GSK3B: variants seen among roughly 807,000 people sequenced by gnomAD.
The protein encoded by GSK3B is glycogen synthase kinase-3 beta.
GSK3B carries 15 observed loss-of-function variants against 56.4 expected under a neutral mutation model. The observed-to-expected ratio is 0.27, with a 90% CI of 0.18 to 0.41. The LOEUF (loss-of-function observed/expected upper bound fraction) is 0.41. Ranked by LOEUF, GSK3B falls within the 10% of genes least tolerant of loss-of-function variation. The probability of loss-of-function intolerance (pLI) is 1.00; values close to 1 mark genes in which losing one functional copy is unlikely to be tolerated. For missense variants in GSK3B, 300 were observed against 513.4 expected (o/e 0.58, Z 4.02); for synonymous variants, 181 against 188.9 (o/e 0.96, Z 0.34).
intron 7 of GSK3B, among the ~76,000 whole-genome samples, chr3:119,891,752 G>T (rs1559825210): frequency 6.6e-6 from 1 of 152,052 alleles, no homozygotes; most frequent in East Asian, 1.9e-4. Flanking sequence ...TTCTGTAAGT[G>T]TATTTCATAC....
At chr3:120,018,075 C>G (rs1364347840) in intron 1 of GSK3B, among the ~76,000 whole-genome samples, 2 of 152,170 alleles carry the variant, frequency 1.3e-5, no homozygotes, top group Admixed American at 1.3e-4. Flanking sequence ...CACTCATCAT[C>G]ACAAATAAAT....
chr3:119,854,846 T>C (rs1307433049), intron 9 of GSK3B, among the ~76,000 whole-genome samples: 1 of 152,162 alleles, frequency 6.6e-6, no homozygotes, highest in South Asian at 2.1e-4. Flanking sequence ...GTCTATCAAT[T>C]TTGTTGATCT....
At chr3:120,036,259 T>A (rs894578338) in intron 1 of GSK3B, among the ~76,000 whole-genome samples, 4 of 152,336 alleles carry the variant, frequency 2.6e-5, no homozygotes, top group Admixed American at 2.6e-4. Context: ...AAAACTGGTA[T>A]GAAGTATAAC....
chr3:120,070,586 T>G (rs1008767468), intron 1 of GSK3B, among the ~76,000 whole-genome samples: 1 of 151,850 alleles, frequency 6.6e-6, no homozygotes, highest in African/African-American at 2.4e-5. Flanking sequence ...AAAGATGGTA[T>G]CAAATCTCAC....
chr3:120,043,596 A>AT (rs1469614710), intron 1 of GSK3B, among the ~76,000 whole-genome samples: 1 of 152,208 alleles, frequency 6.6e-6, no homozygotes, highest in African/African-American at 2.4e-5. Context: ...CAATGGGCAG[A>AT]TATCATCTGG....
chr3:119,833,687 G>GTTTTTT (rs1162358136), intron 10 of GSK3B, among the ~76,000 whole-genome samples: 1 of 133,448 alleles, frequency 7.5e-6, no homozygotes, highest in African/African-American at 2.9e-5. Context: ...GAAACATTAG[G>GTTTTTT]TTGTTTTTTT....
At chr3:120,006,478 AT>A (rs1186654324) in intron 1 of GSK3B, among the ~76,000 whole-genome samples, 1 of 152,188 alleles carries the variant, frequency 6.6e-6, no homozygotes, top group Non-Finnish European at 1.5e-5. Context: ...TCAGCACCAC[AT>A]CCCACTTATT....
chr3:120,004,725 T>A (rs957457345), intron 1 of GSK3B, among the ~76,000 whole-genome samples: 13 of 152,054 alleles, frequency 8.5e-5, no homozygotes, highest in Admixed American at 7.2e-4. Flanking sequence ...AGGAACAGCA[T>A]CAACATCAAC....
At chr3:119,859,071 G>C (rs2056063289) in intron 9 of GSK3B, among the ~76,000 whole-genome samples, 1 of 151,694 alleles carries the variant, frequency 6.6e-6, no homozygotes, top group African/African-American at 2.4e-5. Flanking sequence ...ATGTGGCACA[G>C]AGACACAAAA....
intron 7 of GSK3B, among the ~76,000 whole-genome samples, chr3:119,885,238 A>G (rs964474894): frequency 6.8e-6 from 1 of 146,756 alleles, no homozygotes; most frequent in Non-Finnish European, 1.5e-5. Flanking sequence ...AATCCTATTT[A>G]CAATAGCCAC....
chr3:120,088,522 G>A (rs2107585139), intron 1 of GSK3B, among the ~76,000 whole-genome samples: 1 of 152,214 alleles, frequency 6.6e-6, no homozygotes, highest in South Asian at 2.1e-4. Context: ...TATAACTCAA[G>A]ATAAAATGCC....
chr3:119,861,915 GA>G (rs1246462335), intron 9 of GSK3B, among the ~76,000 whole-genome samples: 2 of 151,958 alleles, frequency 1.3e-5, no homozygotes, highest in Non-Finnish European at 2.9e-5. Context: ...GATACTCACA[GA>G]ATCACATAAG....
chr3:119,930,280 A>G (rs2056933358), intron 3 of GSK3B, among the ~76,000 whole-genome samples: 1 of 152,208 alleles, frequency 6.6e-6, no homozygotes, highest in Admixed American at 6.5e-5. Flanking sequence ...CATTTATTAC[A>G]GGTTGCAAAT....
At chr3:120,008,073 A>G (rs1435840637) in intron 1 of GSK3B, among the ~76,000 whole-genome samples, 1 of 152,244 alleles carries the variant, frequency 6.6e-6, no homozygotes, top group Non-Finnish European at 1.5e-5. Context: ...AATCACAAGC[A>G]TTCTTATACA....
At chr3:119,973,912 A>C (rs1481673661) in intron 2 of GSK3B, among the ~76,000 whole-genome samples, 1 of 152,220 alleles carries the variant, frequency 6.6e-6, no homozygotes, top group African/African-American at 2.4e-5. Context: ...AGACACAATT[A>C]AAGAAATGAA....
At chr3:119,916,311 C>A (rs2056780294) in intron 4 of GSK3B, 137 bp from the exon 5 acceptor site, 1 of 656,666 alleles carries the variant, frequency 1.5e-6, no homozygotes, top group Admixed American at 2.9e-5. Context: ...ATCTTCCTTT[C>A]ACAAGTTTTG....
intron 1 of GSK3B, among the ~76,000 whole-genome samples, chr3:120,064,508 A>T (rs913373255): frequency 6.6e-6 from 1 of 152,180 alleles, no homozygotes; most frequent in Middle Eastern, 3.2e-3. Flanking sequence ...AAAGAAAATT[A>T]AAGAAAACCT....
At chr3:120,062,551 T>C (rs2058246563) in intron 1 of GSK3B, among the ~76,000 whole-genome samples, 2 of 152,194 alleles carry the variant, frequency 1.3e-5, no homozygotes, top group Admixed American at 6.5e-5. Context: ...TGAAAACCTA[T>C]CTATGATATA....
intron 10 of GSK3B, 120 bp from the exon 11 acceptor site, chr3:119,826,975 CGTT>C (rs2055520723): frequency 1.5e-6 from 1 of 661,598 alleles, no homozygotes; most frequent in African/African-American, 1.8e-5. Flanking sequence ...TTATTTGGAA[CGTT>C]GTTTTAAATA....
Sources: gnomAD v4.1 joint callset for allele counts (sites outside exome capture counted in the v4.1 genomes callset) on GRCh38, gnomAD v4.1.1 for gene constraint, MANE v1.5 for transcripts, NCBI Gene and HGNC (gene_info 2026-07-23, HGNC 2026-07-21) for gene names.